LAMB4: variants seen among roughly 807,000 people sequenced by gnomAD.
The protein encoded by LAMB4 is laminin subunit beta 4.
LAMB4 carries 196 observed loss-of-function variants against 199.2 expected under a neutral mutation model. The ratio of observed to expected loss-of-function variants is 0.98; its 90% CI spans 0.88 to 1.11. The LOEUF (loss-of-function observed/expected upper bound fraction) is 1.11, where lower values mean the gene tolerates loss of function less well. Ranked by LOEUF, LAMB4 falls within the 50% of genes least tolerant of loss-of-function variation. LAMB4 has a pLI of 0.00. For synonymous variants in LAMB4, 744 were observed against 770.6 expected (o/e 0.97, Z 0.57); for missense variants, 2,080 against 2,171.2 (o/e 0.96, Z 0.83).
chr7:108,107,795 C>T lies in LAMB4; in HGVS notation c.427G>A (p.Val143Ile), dbSNP rs1214425853. The T allele has an allele frequency of 3.1e-6, 5 of 1,597,508 alleles. No homozygotes were observed. The highest frequency in any genetic ancestry group is 1.8e-5 in the Admixed American group (1 of 54,594). Reference protein sequence around the residue: ...FKTFRPAAMLVERSTDYGHNW... With the variant: ...FKTFRPAAMLIERSTDYGHNW... ...TGTCCATAGTCTGTGGAACGTTCAA[C>T]TAACATTGCAGCAGGCCGAAAAGTC... Residue 143 changes from valine to isoleucine, a missense_variant, in exon 6 of 34, where the codon GTT (valine) becomes ATT (isoleucine). By Grantham distance (29) the Val-to-Ile change is conservative. Transcript: ENST00000388781.
At chr7:108,061,492 A>G (rs1584658852) in intron 23 of LAMB4, among the ~76,000 whole-genome samples, 1 of 152,026 alleles carries the variant, frequency 6.6e-6, no homozygotes, top group Non-Finnish European at 1.5e-5. Flanking sequence ...TAATCTTAGC[A>G]ATCTGAGAGG....
At chr7:108,025,420 C>CTTTTCTTTTCT (rs1563024809) in intron 33 of LAMB4, among the ~76,000 whole-genome samples, 7 of 99,482 alleles carry the variant, frequency 7.0e-5, no homozygotes, top group African/African-American at 6.2e-4. Context: ...TTTCTTTCTT[C>CTTTTCTTTTCT]TTTCTTTCTT....
chr7:108,042,407 A>C (rs2035449652), intron 29 of LAMB4, among the ~76,000 whole-genome samples: 1 of 151,788 alleles, frequency 6.6e-6, no homozygotes, highest in South Asian at 2.1e-4. Flanking sequence ...TCTATGACCC[A>C]GCAAACTAGA....
rs1158051672 is a variant in LAMB4 at position 108,024,025 on chromosome 7, C to T, written c.*14G>A. The T allele has an allele frequency of 6.3e-7, 1 of 1,589,434 alleles. No homozygotes were observed. The highest frequency in any genetic ancestry group is 1.2e-5 in the South Asian group (1 of 85,018). ...CCAGAAACAAAGGCACAAGCTTTTG[C>T]TCTTTAACTCTGCCTAGCTATAGCA... On this transcript the variant is annotated 3_prime_UTR_variant, in exon 34 of 34. Coordinates refer to ENST00000388781, the MANE Select transcript of LAMB4 (RefSeq NM_007356.3).
rs574377359 is a variant in LAMB4 at position 108,063,884 on chromosome 7, C to A, written c.2938G>T (p.Asp980Tyr). Residue 980 changes from aspartate (D) to tyrosine (Y), a missense_variant, in exon 22 of 34, where the codon GAT (aspartate) becomes TAT (tyrosine). Coordinates refer to ENST00000388781, the MANE Select transcript of LAMB4 (RefSeq NM_007356.3). The part of the protein sequence containing the change: ...CACNNNIDVT[D>Y]PESCSRVTGE... ...GTTACCCGGCTGCAGGACTCTGGAT[C>A]GGTTACATCTATGTTGTTGTTGCAG... 6.2e-7 allele frequency: 1 copy of A among 1,614,022 alleles called. No individual in the cohort carries two copies. Among genetic ancestry groups the A allele is most frequent in the Non-Finnish European group, 8.5e-7 (1 of 1,180,026 alleles).
rs150716489 is a variant in LAMB4, at chr7:108,038,522, A to T, written c.4472-927T>A. The stretch of plus-strand genomic sequence containing the variant: ...AAAAGTAAATTTGGCCCCTATTGAG[A>T]ACTAAAGTGTAAGATGAACTGTTAG... On this transcript the variant is annotated intron_variant, in intron 29 of 33. Coordinates refer to ENST00000388781, the MANE Select transcript of LAMB4 (RefSeq NM_007356.3). 2.6e-5 allele frequency among the ~76,000 whole-genome samples: 4 copies of T among 152,290 alleles called. No homozygotes were observed. The East Asian group carries it at 5.8e-4, about 22-fold the overall frequency.
At chr7:108,062,210 G>A (rs893565441) in intron 23 of LAMB4, among the ~76,000 whole-genome samples, 7 of 152,026 alleles carry the variant, frequency 4.6e-5, no homozygotes, top group African/African-American at 4.8e-5. Flanking sequence ...AAAATCACAC[G>A]TGCATCTATC....
In LAMB4 at chr7:108,067,874, T is replaced by C. The variant is rs578117703; in HGVS notation, c.2446+142A>G. 92 of 1,022,486 alleles carry C rather than the reference T, an allele frequency of 9.0e-5. 1 individual carries two copies. Among genetic ancestry groups the C allele is most frequent in the South Asian group, 6.4e-4 (42 of 65,966 alleles). The allele number at this position is 1,022,486 out of a possible 1,614,324, so 63.3% of individuals were successfully genotyped here. A position where few individuals can be genotyped will look rare whatever the true frequency, so the allele number is the denominator to read the frequency against. On this transcript the variant is annotated intron_variant, in intron 19 of 33. Transcript: ENST00000388781. ...AAGTGTAGCAAAAAAATGTTCAGTA[T>C]ATTTTATGTACATAGATAGTCTGAA...
intron 12 of LAMB4, among the ~76,000 whole-genome samples, chr7:108,092,851 C>T (rs2037461820): frequency 6.6e-6 from 1 of 152,076 alleles, no homozygotes; most frequent in Non-Finnish European, 1.5e-5. Flanking sequence ...CCAGAGTGAG[C>T]TGAGATCGTG....
chr7:108,044,021 T>C (rs1331168181), intron 28 of LAMB4, 125 bp from the exon 29 acceptor site: 3 of 713,832 alleles, frequency 4.2e-6, no homozygotes, highest in Non-Finnish European at 6.6e-6. Context: ...AAAGTCTAGA[T>C]AAACCATAGA....
Position 108,055,825 on chromosome 7 carries a change from A to G in LAMB4, c.3562T>C (p.Ser1188Pro). The part of the protein sequence containing the change: ...CFDQWDHTIS[S>P]LSKAVQGLMR... ...AACCCTTGCACCGCTTTGGAGAGGG[A>G]AGAAATGGTGTGGTCCCACTGATCA... Residue 1188 changes from serine (S) to proline (P), a missense_variant, in exon 25 of 34, where the codon TCC becomes CCC. Transcript: ENST00000388781. 6.2e-7 allele frequency: 1 copy of G among 1,614,110 alleles called. No individual in the cohort carries two copies.
intron 8 of LAMB4, 45 bp downstream of exon 8, chr7:108,105,772 A>G (rs1324752581): frequency 1.3e-6 from 2 of 1,537,536 alleles, no homozygotes; most frequent in Admixed American, 1.7e-5. Context: ...AGGACAGTGA[A>G]AGGCAGGTAG....
downstream of LAMB4, among the ~76,000 whole-genome samples, chr7:108,019,484 T>C (rs1374472767): frequency 1.3e-5 from 2 of 152,076 alleles, no homozygotes; most frequent in African/African-American, 4.8e-5. Context: ...TAACGTAATA[T>C]ATTCACAGGT....
Position 108,069,998 on chromosome 7 carries a change from C to G in LAMB4, c.2125-113G>C, listed in dbSNP as rs527742473. Reference sequence around the variant, plus strand: ...ATAATGGTTCAAAGAAGACTCAACTCAATCCTTTAAACTGGTTAAGACTGA... The same window carrying G: ...ATAATGGTTCAAAGAAGACTCAACTGAATCCTTTAAACTGGTTAAGACTGA... On this transcript the variant is annotated intron_variant, in intron 17 of 33. Coordinates refer to ENST00000388781, the MANE Select transcript of LAMB4 (RefSeq NM_007356.3). 6.2e-5 allele frequency: 45 copies of G among 729,264 alleles called. No individual in the cohort carries two copies. The African/African-American group carries it at 7.2e-4, about 12-fold the overall frequency. The allele number at this position is 729,264 out of a possible 1,614,324, so 45.2% of individuals were successfully genotyped here.
At chr7:108,060,283 C>A (rs2036118170) in intron 23 of LAMB4, among the ~76,000 whole-genome samples, 1 of 152,200 alleles carries the variant, frequency 6.6e-6, no homozygotes, top group Admixed American at 6.5e-5. Context: ...AATGCTGCTA[C>A]AAACATGCTT....
At chr7:108,119,521 T>C (rs1291057149) in intron 2 of LAMB4, among the ~76,000 whole-genome samples, 1 of 152,200 alleles carries the variant, frequency 6.6e-6, no homozygotes, top group Admixed American at 6.5e-5. Context: ...AAAAAGGTTA[T>C]GTACTGCATA....
At chr7:108,052,363 G>C in intron 25 of LAMB4, 106 bp from the exon 26 acceptor site, 2 of 791,570 alleles carry the variant, frequency 2.5e-6, no homozygotes, top group Non-Finnish European at 3.9e-6. Flanking sequence ...TTCTTGATTA[G>C]AAGGGATTCC....
intron 3 of LAMB4, among the ~76,000 whole-genome samples, chr7:108,114,871 T>C (rs1033204130): frequency 1.2e-4 from 18 of 152,178 alleles, no homozygotes; most frequent in Non-Finnish European, 2.9e-5. Flanking sequence ...AAAAGAAACC[T>C]GAAAAGCCAC....
chr7:108,048,230 C>A (rs1563045615), intron 27 of LAMB4, 119 bp from the exon 28 acceptor site: 3 of 758,022 alleles, frequency 4.0e-6, no homozygotes, highest in Non-Finnish European at 4.1e-6. Flanking sequence ...AATAGCGTGA[C>A]CTTGGCTCAC....
Sources: gnomAD v4.1 joint callset for allele counts (sites outside exome capture counted in the v4.1 genomes callset) on GRCh38, gnomAD v4.1.1 for gene constraint, MANE v1.5 for transcripts, NCBI Gene and HGNC (gene_info 2026-07-23, HGNC 2026-07-21) for gene names.